Variants in FIRRM observed in about 807,000 individuals in gnomAD.
FIRRM encodes the protein FIGNL1 interacting regulator of recombination and mitosis.
At chr1:169,810,163 C>G in the FIRRM span, among the ~76,000 whole-genome samples, 1 of 152,162 alleles carries the variant, frequency 6.6e-6, no homozygotes, top group African/African-American at 2.4e-5. Context: ...TTAATCACTT[C>G]CCCAAAGGCC....
the FIRRM span, chr1:169,804,212 CAAT>C: frequency 4.5e-5 from 70 of 1,567,440 alleles, no homozygotes; most frequent in South Asian, 1.1e-4. Flanking sequence ...TAGTAGATGA[CAAT>C]GATGATATTT....
chr1:169,854,076 A>G, the FIRRM span: 2 of 588,864 alleles, frequency 3.4e-6, no homozygotes, highest in South Asian at 4.8e-5. Context: ...AGCTCATTAA[A>G]CAAACTAAGC....
chr1:169,810,658 A>G, the FIRRM span, among the ~76,000 whole-genome samples: 1 of 151,884 alleles, frequency 6.6e-6, no homozygotes, highest in Non-Finnish European at 1.5e-5. Context: ...ATAAGGCCAC[A>G]TTCTGAAGTA....
the FIRRM span, among the ~76,000 whole-genome samples, chr1:169,828,139 G>A: frequency 0.01 from 1,525 of 152,168 alleles, 27 homozygotes; most frequent in African/African-American, 0.035. Context: ...ATTTAAAAAC[G>A]AGCTCTGATA....
the FIRRM span, chr1:169,802,708 C>G: frequency 6.2e-7 from 1 of 1,607,104 alleles, no homozygotes; most frequent in Non-Finnish European, 8.5e-7. Flanking sequence ...CCAGACCACT[C>G]TAAGGAATAT....
At chr1:169,851,830 A>ATTT in the FIRRM span, 4 of 1,613,914 alleles carry the variant, frequency 2.5e-6, no homozygotes, top group Non-Finnish European at 3.4e-6. Flanking sequence ...GGGTTTGTAG[A>ATTT]TGAAACTGAA....
chr1:169,845,224 A>G, the FIRRM span, among the ~76,000 whole-genome samples: 1 of 152,226 alleles, frequency 6.6e-6, no homozygotes, highest in Non-Finnish European at 1.5e-5. Flanking sequence ...TGTGTATAAT[A>G]GCATTATGTG....
chr1:169,842,578 G>A, the FIRRM span: 53 of 1,592,418 alleles, frequency 3.3e-5, no homozygotes, highest in Admixed American at 1.3e-4. Flanking sequence ...TCAAAAAATA[G>A]AAAATATCAA....
the FIRRM span, among the ~76,000 whole-genome samples, chr1:169,831,100 A>T: frequency 6.6e-6 from 1 of 152,190 alleles, no homozygotes; most frequent in Non-Finnish European, 1.5e-5. Flanking sequence ...TCTCTCTAAT[A>T]TGCCTTAGAC....
the FIRRM span, among the ~76,000 whole-genome samples, chr1:169,786,357 T>C: frequency 6.6e-6 from 1 of 152,180 alleles, no homozygotes; most frequent in African/African-American, 2.4e-5. Flanking sequence ...GCAAACAGGA[T>C]GCAGAGTTTA....
chr1:169,825,437 G>C, the FIRRM span, among the ~76,000 whole-genome samples: 1 of 152,144 alleles, frequency 6.6e-6, no homozygotes, highest in Non-Finnish European at 1.5e-5. Context: ...TAAAGACAGT[G>C]ACTTTGTATA....
chr1:169,824,242 TTCCCTCAC>T, the FIRRM span, among the ~76,000 whole-genome samples: 1 of 152,172 alleles, frequency 6.6e-6, no homozygotes, highest in Non-Finnish European at 1.5e-5. Flanking sequence ...CATATATTCA[TTCCCTCAC>T]TCCCATGAGT....
At chr1:169,800,040 T>G in the FIRRM span, among the ~76,000 whole-genome samples, 2 of 152,280 alleles carry the variant, frequency 1.3e-5, no homozygotes, top group Non-Finnish European at 2.9e-5. Context: ...TTTGTTTGTT[T>G]GTTTTGGGGG....
chr1:169,815,732 A>G, the FIRRM span, among the ~76,000 whole-genome samples: 1 of 152,106 alleles, frequency 6.6e-6, no homozygotes, highest in East Asian at 1.9e-4. Flanking sequence ...TAGGATGCCT[A>G]ACCTGGAAAT....
the FIRRM span, among the ~76,000 whole-genome samples, chr1:169,813,373 C>G: frequency 6.6e-6 from 1 of 152,210 alleles, no homozygotes; most frequent in Non-Finnish European, 1.5e-5. Context: ...ATAGCCCTCC[C>G]TGCATATTAT....
the FIRRM span, among the ~76,000 whole-genome samples, chr1:169,822,071 G>C: frequency 6.6e-6 from 1 of 152,022 alleles, no homozygotes; most frequent in Admixed American, 6.5e-5. Context: ...AAGACAAGCA[G>C]CATAGTTAGA....
At chr1:169,853,981 T>A in the FIRRM span, 3 of 622,914 alleles carry the variant, frequency 4.8e-6, no homozygotes, top group African/African-American at 3.7e-5. Flanking sequence ...TCAAAAACCA[T>A]AAAATCCAGT....
the FIRRM span, chr1:169,794,997 C>T: frequency 3.4e-6 from 3 of 873,252 alleles, no homozygotes; most frequent in Non-Finnish European, 5.4e-6. Flanking sequence ...GCCCTCCTCT[C>T]TATGGTTTTG....
chr1:169,827,865 C>T, the FIRRM span: 7 of 1,610,742 alleles, frequency 4.3e-6, no homozygotes, highest in Non-Finnish European at 5.9e-6. Flanking sequence ...TTTATCCAGT[C>T]ATATTACCAA....
Sources: gnomAD v4.1 joint callset for allele counts (sites outside exome capture counted in the v4.1 genomes callset) on GRCh38, gnomAD v4.1.1 for gene constraint, MANE v1.5 for transcripts, NCBI Gene and HGNC (gene_info 2026-07-23, HGNC 2026-07-21) for gene names.